SORCS1: variants seen among roughly 807,000 people sequenced by gnomAD.
SORCS1 encodes the protein VPS10 domain-containing receptor SorCS1.
SORCS1 carries 60 observed loss-of-function variants against 146.1 expected under a neutral mutation model. That is an observed-to-expected ratio of 0.41 (90% CI 0.33 to 0.51). SORCS1 has a LOEUF of 0.51. Among genes scored for constraint, SORCS1 ranks in the 20% least tolerant of loss-of-function variants. SORCS1 has a pLI of 0.21. For synonymous variants in SORCS1, 637 were observed against 584.0 expected, an observed-to-expected ratio of 1.09 and a Z score of -1.31; for missense variants, 1,352 against 1,487.6, an observed-to-expected ratio of 0.91 and a Z score of 1.50.
chr10:106,976,455 C>T (rs1189306791), intron 1 of SORCS1, among the ~76,000 whole-genome samples: 1 of 151,566 alleles, frequency 6.6e-6, no homozygotes, highest in East Asian at 2.0e-4. Flanking sequence ...CCTTAGCCTC[C>T]CGAGTAGCTG....
intron 18 of SORCS1, among the ~76,000 whole-genome samples, chr10:106,644,908 C>T (rs542237353): frequency 1.7e-4 from 26 of 152,168 alleles, no homozygotes; most frequent in East Asian, 7.7e-4. Flanking sequence ...AGGGCTCTTA[C>T]GAATACTTTT....
chr10:106,629,803 T>C (rs1023307130), intron 18 of SORCS1, among the ~76,000 whole-genome samples: 8 of 152,168 alleles, frequency 5.3e-5, no homozygotes, highest in African/African-American at 1.9e-4. Context: ...CCCAGCACTT[T>C]GGGAGGCTGA....
chr10:106,963,444 A>AC (rs1405028429), intron 1 of SORCS1, among the ~76,000 whole-genome samples: 1 of 151,814 alleles, frequency 6.6e-6, no homozygotes, highest in Non-Finnish European at 1.5e-5. Flanking sequence ...TTTTCTTGGC[A>AC]CTCCAATTTT....
At chr10:107,048,620 G>A (rs550520779) in intron 1 of SORCS1, among the ~76,000 whole-genome samples, 21 of 152,188 alleles carry the variant, frequency 1.4e-4, no homozygotes, top group Admixed American at 5.2e-4. Context: ...TATGGCGTAC[G>A]TGAAGATGGA....
chr10:106,688,399 T>C (rs1170200554), intron 9 of SORCS1, 61 bp from the exon 10 acceptor site: 3 of 1,561,840 alleles, frequency 1.9e-6, no homozygotes, highest in Non-Finnish European at 2.6e-6. Flanking sequence ...ATTTGTTTAC[T>C]TTTTAAAAAA....
At chr10:107,099,476 T>C (rs141904329) in intron 1 of SORCS1, among the ~76,000 whole-genome samples, 6 of 152,166 alleles carry the variant, frequency 3.9e-5, no homozygotes, top group Non-Finnish European at 7.4e-5. Flanking sequence ...TTTAGCCACA[T>C]GTAACTATGT....
At position 106,577,150 on chromosome 10, in the gene SORCS1, T is replaced by C. The variant is rs1011252348; in HGVS notation, c.*270A>G. ...ATGCAGTGAGTGTTTGTTTGTTTGT[T>C]TGGATTTTGATTGTTTATATTTTAT... On this transcript the variant is annotated 3_prime_UTR_variant, in exon 26 of 26. Transcript: ENST00000263054. 5 of 1,306,092 alleles carry C rather than the reference T, an allele frequency of 3.8e-6. No individual in the cohort carries two copies. Among genetic ancestry groups the C allele is most frequent in the African/African-American group, 1.5e-5 (1 of 66,670 alleles). 80.9% of individuals were successfully genotyped at this position (1,306,092 alleles called of 1,614,324 possible).
chr10:107,103,470 T>C (rs10787011), intron 1 of SORCS1, among the ~76,000 whole-genome samples: 61,557 of 152,114 alleles, frequency 0.4, 13,115 homozygotes, highest in East Asian at 0.54. Flanking sequence ...TGCTCATTGC[T>C]TTTCAATGCA....
chr10:106,844,507 C>T (rs1226410510), intron 2 of SORCS1, among the ~76,000 whole-genome samples: 1 of 151,512 alleles, frequency 6.6e-6, no homozygotes, highest in Non-Finnish European at 1.5e-5. Flanking sequence ...AATAAGGATA[C>T]AATTTCATTC....
intron 5 of SORCS1, among the ~76,000 whole-genome samples, chr10:106,745,449 A>G (rs1342990504): frequency 6.6e-6 from 1 of 152,082 alleles, no homozygotes; most frequent in East Asian, 1.9e-4. Context: ...AGAAAAAAAG[A>G]AACAACAAAA....
intron 1 of SORCS1, among the ~76,000 whole-genome samples, chr10:106,979,515 T>C (rs972564107): frequency 2.6e-5 from 4 of 152,184 alleles, no homozygotes; most frequent in Non-Finnish European, 5.9e-5. Flanking sequence ...GTGGCTCAGT[T>C]CTCAGCATTG....
At chr10:106,939,874 G>A (rs1953941632) in intron 2 of SORCS1, among the ~76,000 whole-genome samples, 1 of 152,166 alleles carries the variant, frequency 6.6e-6, no homozygotes, top group African/African-American at 2.4e-5. Context: ...TGCCTGTTGA[G>A]CCATGGATAC....
At chr10:106,600,908 A>G (rs1846199521) in intron 23 of SORCS1, among the ~76,000 whole-genome samples, 1 of 152,178 alleles carries the variant, frequency 6.6e-6, no homozygotes, top group South Asian at 2.1e-4. Flanking sequence ...AAGATGAGAA[A>G]ATACAGCACT....
rs1404987563 is a variant in SORCS1 at position 106,935,637 on chromosome 10, A to G, written c.626+20876T>C. 2.0e-5 allele frequency among the ~76,000 whole-genome samples: 3 copies of G among 152,256 alleles called. No individual in the cohort carries two copies. The East Asian group carries it at 5.8e-4, about 29-fold the overall frequency. On this transcript the variant is annotated intron_variant, in intron 2 of 25. Transcript: ENST00000263054. ...ATTAGAAATGTAGAATGTTAGAGCT[A>G]GGTTGAAAATCAGTCTGTCTAGTAC...
chr10:106,834,506 T>G (rs1948699602), intron 2 of SORCS1, among the ~76,000 whole-genome samples: 1 of 152,066 alleles, frequency 6.6e-6, no homozygotes. Context: ...ATGAGATTAG[T>G]GTTCTGAGCA....
At chr10:106,674,328 C>CAAAAAAAAAAAAAAAAAAAAAAAA (rs10658432) in intron 14 of SORCS1, among the ~76,000 whole-genome samples, 1 of 27,374 alleles carries the variant, frequency 3.7e-5, no homozygotes, top group Non-Finnish European at 5.4e-5. Context: ...GACTCCGTCT[C>CAAAAAAAAAAAAAAAAAAAAAAAA]AAAAAAAAAA....
chr10:106,770,089 T>A (rs963558458), intron 4 of SORCS1, among the ~76,000 whole-genome samples: 18 of 152,054 alleles, frequency 1.2e-4, no homozygotes, highest in African/African-American at 3.6e-4. Context: ...TAAGACTGTC[T>A]CAAAAAAAGA....
intron 1 of SORCS1, among the ~76,000 whole-genome samples, chr10:107,030,983 G>A (rs572696917): frequency 2.6e-5 from 4 of 152,246 alleles, no homozygotes; most frequent in East Asian, 1.9e-4. Context: ...TCCCATTACC[G>A]TTCTTAGAGA....
intron 1 of SORCS1, among the ~76,000 whole-genome samples, chr10:107,053,784 T>C (rs563357419): frequency 6.6e-6 from 1 of 152,316 alleles, no homozygotes; most frequent in African/African-American, 2.4e-5. Flanking sequence ...TTTCCTTCAC[T>C]GCTAGGGGTT....
Sources: allele counts gnomAD v4.1 joint callset (sites outside exome capture counted in the v4.1 genomes callset), GRCh38; gene constraint gnomAD v4.1.1; transcripts MANE v1.5; gene names NCBI Gene and HGNC (gene_info 2026-07-23, HGNC 2026-07-21).